Variants in DNM2 observed in about 807,000 individuals in gnomAD.
DNM2 encodes dynamin 2, also known as dynamin-2.
In DNM2, 15 loss-of-function variants were observed where a neutral mutation model predicts 99.0. That is an observed-to-expected ratio of 0.15 (90% CI 0.10 to 0.23). The LOEUF is 0.23. DNM2 is among the 10% of genes least tolerant of loss of function. The probability of loss-of-function intolerance (pLI) is 1.00; values close to 1 mark genes in which losing one functional copy is unlikely to be tolerated. For missense variants in DNM2, 742 were observed against 1,189.4 expected (o/e 0.62, Z 5.53); for synonymous variants, 525 against 481.2 (o/e 1.09, Z -1.19).
At chr19:10,729,322 C>G (rs2069228496) in intron 1 of DNM2, among the ~76,000 whole-genome samples, 1 of 151,988 alleles carries the variant, frequency 6.6e-6, no homozygotes, top group Non-Finnish European at 1.5e-5. Context: ...CATGCCACGG[C>G]CCTCCAGCCT....
At chr19:10,719,007 C>T (rs2068847772) in intron 1 of DNM2, among the ~76,000 whole-genome samples, 1 of 152,184 alleles carries the variant, frequency 6.6e-6, no homozygotes, top group African/African-American at 2.4e-5. Context: ...GACTTTAACA[C>T]TGAGCAGTCC....
At chr19:10,784,819 A>ATTTTTTTTTTTTTTTTTTTTTTTTTGTT (rs35575438) in intron 6 of DNM2, among the ~76,000 whole-genome samples, 1 of 99,464 alleles carries the variant, frequency 1.0e-5, no homozygotes, top group African/African-American at 4.1e-5. Context: ...TTTTTTGATG[A>ATTTTTTTTTTTTTTTTTTTTTTTTTGTT]TTTTTTTTTT....
chr19:10,795,321 C>CG lies in DNM2; in HGVS notation c.1129-46dup, dbSNP rs748728750. ...ACGTTCCCCAGATGCACGCCTGCCA[C>CG]GGGGGCGCCCCGGGTGCCTCCATGC... On this transcript the variant is annotated intron_variant, in intron 8 of 20. Coordinates refer to ENST00000389253, the MANE Select transcript of DNM2 (RefSeq NM_001005361.3). This position sits in a 1 kb window ranked among gnomAD's most constrained non-coding sequence, Gnocchi z 4.2. The CG allele has an allele frequency of 3.1e-6, 5 of 1,594,702 alleles. No individual in the cohort carries two copies. The East Asian group carries it at 8.9e-5, about 28-fold the overall frequency.
chr19:10,784,927 G>C (rs2071506739), intron 6 of DNM2, among the ~76,000 whole-genome samples: 1 of 145,208 alleles, frequency 6.9e-6, no homozygotes, highest in African/African-American at 2.6e-5. Context: ...AGGTTCAAGT[G>C]ATTCTCATGC....
chr19:10,784,819 A>ATTTTTTTTTTTTTTTTTTTT (rs35575438), intron 6 of DNM2, among the ~76,000 whole-genome samples: 2 of 99,464 alleles, frequency 2.0e-5, no homozygotes, highest in Non-Finnish European at 1.9e-5. Flanking sequence ...TTTTTTGATG[A>ATTTTTTTTTTTTTTTTTTTT]TTTTTTTTTT....
At chr19:10,759,329 C>T (rs967105807) in intron 1 of DNM2, among the ~76,000 whole-genome samples, 1 of 152,198 alleles carries the variant, frequency 6.6e-6, no homozygotes, top group Non-Finnish European at 1.5e-5. Context: ...CTTTTCTGGA[C>T]ATGAAACACA....
chr19:10,818,466 G>A lies in DNM2; in HGVS notation c.1672-1514G>A, dbSNP rs903884929. 1.3e-5 allele frequency among the ~76,000 whole-genome samples: 2 copies of A among 152,214 alleles called. No homozygotes were observed. Among genetic ancestry groups the A allele is most frequent in the South Asian group, 2.1e-4 (1 of 4,832 alleles). On this transcript the variant is annotated intron_variant, in intron 15 of 20. Coordinates refer to ENST00000389253, the MANE Select transcript of DNM2 (RefSeq NM_001005361.3). The surrounding 1 kb of genome is among the most constrained non-coding windows in gnomAD (Gnocchi z 4.3). ...AAACTGAGATGAAATGGGAGGTGGCGGGGAAGTGGCTTGCCCGAGGGCACA... is the reference window on the plus strand; with the variant it reads ...AAACTGAGATGAAATGGGAGGTGGCAGGGAAGTGGCTTGCCCGAGGGCACA...
At chr19:10,754,292 T>C (rs893827749) in intron 1 of DNM2, among the ~76,000 whole-genome samples, 1 of 151,672 alleles carries the variant, frequency 6.6e-6, no homozygotes, top group African/African-American at 2.4e-5. Context: ...AGTCTCACTC[T>C]GTTGCCAGGC....
In DNM2 at chr19:10,806,442, C is replaced by A. The variant is rs74735115; in HGVS notation, c.1545+475C>A. Among the ~76,000 whole-genome samples the A allele has an allele frequency of 6.4e-4, 97 of 152,176 alleles. No individual in the cohort carries two copies. In the East Asian group the frequency reaches 0.016, roughly 25 times the overall value. On this transcript the variant is annotated intron_variant, in intron 13 of 20. Transcript: ENST00000389253. ...TTAGGAGGCCAAGGTGGGAGGGTCA[C>A]TTGAGCCCAGCAGTTCATGACCATC...
Position 10,825,525 on chromosome 19 carries a change from C to T in DNM2, c.2058+304C>T, listed in dbSNP as rs552168752. 8.8e-4 allele frequency among the ~76,000 whole-genome samples: 134 copies of T among 151,932 alleles called. 1 individual carries two copies. The South Asian group carries it at 0.026, about 30-fold the overall frequency. The stretch of plus-strand genomic sequence containing the variant: ...CTCTACTAAATATACAAAAATTAGC[C>T]GGGCACGGTAGCTCACGCCTGTAAT... On this transcript the variant is annotated intron_variant, in intron 18 of 20. Transcript: ENST00000389253.
chr19:10,779,705 G>A (rs2071291788), intron 5 of DNM2, among the ~76,000 whole-genome samples: 1 of 151,114 alleles, frequency 6.6e-6, no homozygotes, highest in Non-Finnish European at 1.5e-5. Flanking sequence ...ATTTTTTTCA[G>A]ACAGAGTTTC....
Position 10,819,386 on chromosome 19 carries a change from C to A in DNM2, c.1672-594C>A, listed in dbSNP as rs138892444. Among the ~76,000 whole-genome samples, 776 of 152,332 alleles carry A rather than the reference C, an allele frequency of 5.1e-3. 9 individuals are homozygous for A. Among genetic ancestry groups the A allele is most frequent in the African/African-American group, 0.018 (749 of 41,570 alleles). ...CCCTGCTCCTCTCTGCCTCAGTCTT[C>A]CCCTCTGTAAAATGGCATCACAGAG... On this transcript the variant is annotated intron_variant, in intron 15 of 20. Transcript: ENST00000389253.
At chr19:10,790,850 T>C (rs1459582489) in intron 7 of DNM2, among the ~76,000 whole-genome samples, 1 of 151,952 alleles carries the variant, frequency 6.6e-6, no homozygotes, top group Admixed American at 6.6e-5. Context: ...CACCGCAGCC[T>C]CACCACTTGG....
intron 13 of DNM2, among the ~76,000 whole-genome samples, chr19:10,808,299 T>C (rs2072423910): frequency 1.3e-5 from 2 of 152,192 alleles, no homozygotes; most frequent in Non-Finnish European, 2.9e-5. Flanking sequence ...AACGTAACCA[T>C]TGCATGATTT....
At chr19:10,757,943 CAAAAAAA>C (rs762600168) in intron 1 of DNM2, among the ~76,000 whole-genome samples, 20 of 65,420 alleles carry the variant, frequency 3.1e-4, no homozygotes, top group Non-Finnish European at 5.9e-4. Flanking sequence ...AGCTCTGTCT[CAAAAAAA>C]AAAAAAAAAA....
intron 6 of DNM2, among the ~76,000 whole-genome samples, chr19:10,785,210 C>T (rs575109483): frequency 4.0e-4 from 61 of 152,274 alleles, no homozygotes; most frequent in African/African-American, 1.4e-3. Flanking sequence ...CTCCGTCTCC[C>T]GGGTTCACAC....
intron 2 of DNM2, chr19:10,763,306 C>T (rs1246822651): frequency 6.6e-6 from 1 of 152,208 alleles, no homozygotes; most frequent in Non-Finnish European, 1.5e-5. Flanking sequence ...GAACTCCTGG[C>T]CTCAAGTGAT....
intron 2 of DNM2, among the ~76,000 whole-genome samples, chr19:10,766,900 C>T (rs1417213417): frequency 6.6e-6 from 1 of 152,182 alleles, no homozygotes; most frequent in Non-Finnish European, 1.5e-5. Context: ...CTGCGAACCT[C>T]TCTGAGGGGG....
Position 10,831,354 on chromosome 19 carries a change from G to A in DNM2, c.*307G>A. 6 of 1,157,714 alleles carry A rather than the reference G, an allele frequency of 5.2e-6. No homozygotes were observed. The highest frequency in any genetic ancestry group is 6.4e-6 in the Non-Finnish European group (6 of 939,108). The allele number at this position is 1,157,714 out of a possible 1,614,324, so 71.7% of individuals were successfully genotyped here. ...CATCCTGAATGAGGGGTCCAGCCTG[G>A]GGGGGACTCTACCAAGGTCTTCTTG... is the stretch of plus-strand genomic sequence containing the variant. On this transcript the variant is annotated 3_prime_UTR_variant, in exon 21 of 21. Transcript: ENST00000389253. This position sits in a 1 kb window ranked among gnomAD's most constrained non-coding sequence, Gnocchi z 4.3.
Sources: allele counts gnomAD v4.1 joint callset (sites outside exome capture counted in the v4.1 genomes callset), GRCh38; gene constraint gnomAD v4.1.1; non-coding constraint Gnocchi (gnomAD v3.1); transcripts MANE v1.5; gene names NCBI Gene and HGNC (gene_info 2026-07-23, HGNC 2026-07-21).